The following MTMR7 variants were observed in gnomAD, a reference collection of about 807,000 sequenced individuals.
The protein encoded by MTMR7 is myotubularin related protein 7.
Under a neutral mutation model 81.2 loss-of-function variants are expected in MTMR7, and 76 were observed. That is an observed-to-expected ratio of 0.94 (90% CI 0.78 to 1.13). The LOEUF is 1.13. Ranked by LOEUF, MTMR7 falls within the 50% of genes most tolerant of loss-of-function variation. MTMR7 has a pLI of 0.00. For missense variants in MTMR7, 1,044 were observed against 820.0 expected, an observed-to-expected ratio of 1.27 and a Z score of -3.34; for synonymous variants, 372 against 289.8, an observed-to-expected ratio of 1.28 and a Z score of -2.88.
chr8:17,357,373 T>G (rs914711840), intron 4 of MTMR7, among the ~76,000 whole-genome samples: 1 of 152,210 alleles, frequency 6.6e-6, no homozygotes, highest in Non-Finnish European at 1.5e-5. Flanking sequence ...CAAATACAAA[T>G]GTTACCATGT....
intron 6 of MTMR7, among the ~76,000 whole-genome samples, chr8:17,336,953 G>C (rs1215206906): frequency 6.6e-6 from 1 of 152,176 alleles, no homozygotes; most frequent in Non-Finnish European, 1.5e-5. Context: ...GTGAATCCTG[G>C]AATGTAAACT....
At chr8:17,336,023 G>T (rs374827681) in intron 6 of MTMR7, among the ~76,000 whole-genome samples, 1 of 152,140 alleles carries the variant, frequency 6.6e-6, no homozygotes, top group Non-Finnish European at 1.5e-5. Flanking sequence ...ATTTCTCTTT[G>T]GAAAGCTCGG....
Position 17,302,249 on chromosome 8 carries a change from T to A in MTMR7, c.1525A>T (p.Lys509Ter). 2 of 1,614,064 alleles carry A rather than the reference T, an allele frequency of 1.2e-6. No homozygotes were observed. The highest frequency in any genetic ancestry group is 1.7e-6 in the Non-Finnish European group (2 of 1,179,960). ...ACTGACTGTCGGGGCTGCATCCCCT[T>A]TTCAAAGCGGTTATACATTCCACTC... ...FWSGMYNRFE[K>*]GMQPRQSVTD... Residue 509 changes from lysine (K) to a stop codon, truncating the protein, a stop_gained, in exon 13 of 14, where the codon AAG (lysine) becomes TAG (stop). Transcript: ENST00000180173. LOFTEE classifies it high-confidence loss of function.
Position 17,332,222 on chromosome 8 carries a change from G to A in MTMR7, c.733-940C>T, listed in dbSNP as rs536395764. Among the ~76,000 whole-genome samples the A allele has an allele frequency of 4.6e-5, 7 of 151,946 alleles. No individual in the cohort carries two copies. The South Asian group carries it at 1.5e-3, about 32-fold the overall frequency. On this transcript the variant is annotated intron_variant, in intron 6 of 13. Coordinates refer to ENST00000180173, the MANE Select transcript of MTMR7 (RefSeq NM_004686.5). ...AACCTACACTGAGAACTCACCACCA[G>A]AAAAAAATATCTGCTTTTAAAAGCA...
chr8:17,330,665 A>T (rs1301094296), intron 7 of MTMR7, among the ~76,000 whole-genome samples: 2 of 152,104 alleles, frequency 1.3e-5, no homozygotes, highest in Middle Eastern at 3.2e-3. Context: ...GTGTGTGTGG[A>T]GGTGGCGGGA....
intron 1 of MTMR7, among the ~76,000 whole-genome samples, chr8:17,395,434 C>T (rs1379808611): frequency 6.6e-6 from 1 of 152,126 alleles, no homozygotes; most frequent in East Asian, 1.9e-4. Context: ...GGTATATACC[C>T]AGGAGTGGAA....
intron 4 of MTMR7, among the ~76,000 whole-genome samples, chr8:17,359,584 TA>T (rs11400421): frequency 1.2e-4 from 16 of 135,590 alleles, no homozygotes; most frequent in African/African-American, 3.7e-4. Flanking sequence ...CCTGTTTCCT[TA>T]AAAAAAAAAA....
Position 17,354,469 on chromosome 8 carries a change from G to C in MTMR7, c.469-5388C>G, listed in dbSNP as rs79063211. ...GTAAAAAAAGAAATCTGAGCTTAGA[G>C]ACTTAGACTACCATAAGCAAGTGTC... On this transcript the variant is annotated intron_variant, in intron 4 of 13. Coordinates refer to ENST00000180173, the MANE Select transcript of MTMR7 (RefSeq NM_004686.5). Among the ~76,000 whole-genome samples, 420 of 152,274 alleles carry C rather than the reference G, an allele frequency of 2.8e-3. 5 individuals carry two copies. Among genetic ancestry groups the C allele is most frequent in the African/African-American group, 9.7e-3 (402 of 41,558 alleles).
At chr8:17,366,008 G>A (rs1214197274) in intron 3 of MTMR7, among the ~76,000 whole-genome samples, 1 of 152,132 alleles carries the variant, frequency 6.6e-6, no homozygotes, top group Non-Finnish European at 1.5e-5. Flanking sequence ...TTAACCTAGG[G>A]AAGCCTAGGG....
chr8:17,388,772 C>T (rs1320771291), intron 1 of MTMR7, among the ~76,000 whole-genome samples: 1 of 152,202 alleles, frequency 6.6e-6, no homozygotes, highest in African/African-American at 2.4e-5. Context: ...CTCCCACCAA[C>T]CCCTGGCAAG....
chr8:17,340,354 G>C (rs753588406), intron 6 of MTMR7, among the ~76,000 whole-genome samples: 1 of 152,230 alleles, frequency 6.6e-6, no homozygotes, highest in Non-Finnish European at 1.5e-5. Flanking sequence ...AGACAGAACT[G>C]GACGTTCATC....
At chr8:17,402,091 T>A (rs1821443956) in intron 1 of MTMR7, among the ~76,000 whole-genome samples, 2 of 152,150 alleles carry the variant, frequency 1.3e-5, no homozygotes, top group South Asian at 2.1e-4. Context: ...AAATTATTTT[T>A]AAAAATTTTT....
chr8:17,341,299 C>A (rs1477679933), intron 6 of MTMR7, 64 bp downstream of exon 6: 1 of 1,596,748 alleles, frequency 6.3e-7, no homozygotes, highest in Non-Finnish European at 8.6e-7. Flanking sequence ...AGTCGGCTAG[C>A]CTTTGCCTGT....
intron 1 of MTMR7, among the ~76,000 whole-genome samples, chr8:17,412,954 AAAG>A (rs1585133140): frequency 6.8e-6 from 1 of 146,660 alleles, no homozygotes; most frequent in South Asian, 2.2e-4. Flanking sequence ...GTGCCAGGAG[AAAG>A]AAGGGTTGAT....
At chr8:17,313,699 A>T (rs934889769) in intron 7 of MTMR7, among the ~76,000 whole-genome samples, 8 of 152,220 alleles carry the variant, frequency 5.3e-5, no homozygotes, top group African/African-American at 1.9e-4. Flanking sequence ...CTGGCAGAAA[A>T]TATCGATTTG....
intron 3 of MTMR7, among the ~76,000 whole-genome samples, chr8:17,370,688 A>C (rs1375192035): frequency 6.6e-6 from 1 of 152,014 alleles, no homozygotes; most frequent in East Asian, 1.9e-4. Flanking sequence ...AAAACAACTG[A>C]TTAGTTCTGT....
intron 3 of MTMR7, among the ~76,000 whole-genome samples, chr8:17,363,376 G>T (rs1241403947): frequency 6.6e-6 from 1 of 152,202 alleles, no homozygotes; most frequent in Non-Finnish European, 1.5e-5. Context: ...TGGCAGTTAA[G>T]TTCTCTTTGT....
chr8:17,329,889 A>C (rs1304134957), intron 7 of MTMR7, among the ~76,000 whole-genome samples: 1 of 152,180 alleles, frequency 6.6e-6, no homozygotes, highest in Non-Finnish European at 1.5e-5. Flanking sequence ...TGAGAGACTG[A>C]CTGCCAATTA....
At chr8:17,312,836 T>A (rs563837127) in intron 8 of MTMR7, among the ~76,000 whole-genome samples, 3 of 152,110 alleles carry the variant, frequency 2.0e-5, no homozygotes, top group African/African-American at 4.8e-5. Flanking sequence ...ACAAAAGACA[T>A]TGCATTCTAA....
Sources: gnomAD v4.1 joint callset for allele counts (sites outside exome capture counted in the v4.1 genomes callset) on GRCh38, gnomAD v4.1.1 for gene constraint, MANE v1.5 for transcripts, NCBI Gene and HGNC (gene_info 2026-07-23, HGNC 2026-07-21) for gene names.